Variants in BAIAP2L1 observed in about 807,000 individuals in gnomAD.
BAIAP2L1 encodes the protein BAR/IMD domain containing adaptor protein 2 like 1, also known as BAR/IMD domain-containing adapter protein 2-like 1.
A neutral mutation model predicts 66.3 loss-of-function variants in BAIAP2L1; 35 were observed. The observed-to-expected ratio is 0.53, with a 90% confidence interval of 0.40 to 0.70. The LOEUF (loss-of-function observed/expected upper bound fraction) is 0.70. Ranked by LOEUF, BAIAP2L1 falls within the 30% of genes least tolerant of loss-of-function variation. The pLI is 0.00. For missense variants in BAIAP2L1, 622 were observed against 656.9 expected (o/e 0.95, Z 0.58); for synonymous variants, 269 against 248.7 (o/e 1.08, Z -0.77).
chr7:98,355,067 A>C lies in BAIAP2L1; in HGVS notation c.189T>G (p.Thr63=). The change falls in exon 3 of 14, where the codon ACT becomes ACG. Residue 63 remains threonine, a synonymous_variant. Coordinates refer to ENST00000005260, the MANE Select transcript of BAIAP2L1 (RefSeq NM_018842.5). ...DGVAKIGEIA[T]GSPVSTELGH... Reference sequence around the variant, plus strand: ...CCAGTTCAGTTGACACGGGGGACCCAGTGGCAATCTCACCGATCTTGGCCA... The same window carrying C: ...CCAGTTCAGTTGACACGGGGGACCCCGTGGCAATCTCACCGATCTTGGCCA... The C allele has an allele frequency of 6.2e-7, 1 of 1,613,932 alleles. No individual in the cohort carries two copies. The highest frequency in any genetic ancestry group is 8.5e-7 in the Non-Finnish European group (1 of 1,179,792).
At chr7:98,393,178 C>T (rs13309978) in intron 1 of BAIAP2L1, among the ~76,000 whole-genome samples, 3 of 78,244 alleles carry the variant, frequency 3.8e-5, no homozygotes, top group African/African-American at 1.5e-4. Flanking sequence ...TATATATATA[C>T]ATATATGTGT....
chr7:98,341,691 A>G (rs1199990137), intron 3 of BAIAP2L1, among the ~76,000 whole-genome samples: 5 of 152,090 alleles, frequency 3.3e-5, no homozygotes, highest in Admixed American at 6.6e-5. Context: ...CTCATCTATA[A>G]AACGGAAATA....
intron 2 of BAIAP2L1, among the ~76,000 whole-genome samples, chr7:98,359,385 GC>G (rs1802213232): frequency 6.6e-6 from 1 of 150,614 alleles, no homozygotes; most frequent in African/African-American, 2.4e-5. Flanking sequence ...TGATTCTCCT[GC>G]CTCAGCCTCC....
In BAIAP2L1 at chr7:98,401,047, C is replaced by T; in HGVS notation, c.-195G>A. The T allele has an allele frequency of 2.3e-6, 1 of 436,596 alleles. No homozygotes were observed. The highest frequency in any genetic ancestry group is 3.8e-6 in the Non-Finnish European group (1 of 261,312). 27.0% of individuals were successfully genotyped at this position (436,596 alleles called of 1,614,324 possible). ...AAAACTTGCGGCAGCGCCGCCCTGGCCTTCTTCGAGGAGCAGAGGAGAAGC... is the reference window on the plus strand; with the variant it reads ...AAAACTTGCGGCAGCGCCGCCCTGGTCTTCTTCGAGGAGCAGAGGAGAAGC... On this transcript the variant is annotated 5_prime_UTR_variant, in exon 1 of 14. Coordinates refer to ENST00000005260, the MANE Select transcript of BAIAP2L1 (RefSeq NM_018842.5).
intron 1 of BAIAP2L1, among the ~76,000 whole-genome samples, chr7:98,371,640 G>C (rs1337237493): frequency 6.6e-6 from 1 of 152,064 alleles, no homozygotes; most frequent in Admixed American, 6.6e-5. Flanking sequence ...CTTAGCATAT[G>C]GACTTTTTAT....
In BAIAP2L1 at chr7:98,361,042, C is replaced by T. The variant is rs190989126; in HGVS notation, c.127+1315G>A. ...CACAGGTTTATTTTCAAAATATCAA[C>T]AGGGAGCAACCAGTATGGCAAAAAA... On this transcript the variant is annotated intron_variant, in intron 2 of 13. Transcript: ENST00000005260. Among the ~76,000 whole-genome samples the T allele has an allele frequency of 4.6e-5, 7 of 152,180 alleles. No homozygotes were observed. The East Asian group carries it at 1.4e-3, about 29-fold the overall frequency.
chr7:98,390,016 C>T (rs1355688718), intron 1 of BAIAP2L1, among the ~76,000 whole-genome samples: 2 of 123,542 alleles, frequency 1.6e-5, no homozygotes, highest in Admixed American at 8.3e-5. Flanking sequence ...CCCGGGTTCA[C>T]ACCATTCTCC....
chr7:98,365,206 G>A (rs1033026861), intron 1 of BAIAP2L1, among the ~76,000 whole-genome samples: 1 of 151,742 alleles, frequency 6.6e-6, no homozygotes, highest in African/African-American at 2.4e-5. Flanking sequence ...GACACTCAGT[G>A]GGACCCCTAG....
intron 1 of BAIAP2L1, chr7:98,386,700 T>TTTTG (rs1232400905): frequency 1.9e-5 from 14 of 729,486 alleles, no homozygotes; most frequent in Non-Finnish European, 2.7e-5. Flanking sequence ...AAGGTTTTTT[T>TTTTG]TTTTTTTTTT....
intron 2 of BAIAP2L1, among the ~76,000 whole-genome samples, chr7:98,357,194 G>A (rs1026960184): frequency 1.3e-5 from 2 of 148,748 alleles, no homozygotes; most frequent in Non-Finnish European, 1.5e-5. Flanking sequence ...TTCATGTGCA[G>A]GTCCAGCTGA....
chr7:98,303,688 C>A (rs1225995008), intron 12 of BAIAP2L1, among the ~76,000 whole-genome samples: 1 of 152,134 alleles, frequency 6.6e-6, no homozygotes, highest in Non-Finnish European at 1.5e-5. Flanking sequence ...ATGCTGGGCC[C>A]CCAGAGGCAC....
chr7:98,329,443 G>A (rs774571734), intron 3 of BAIAP2L1, among the ~76,000 whole-genome samples: 11 of 152,086 alleles, frequency 7.2e-5, no homozygotes, highest in Non-Finnish European at 1.3e-4. Flanking sequence ...CTTTGCGGGC[G>A]GTCCCCACAC....
At chr7:98,390,961 G>A (rs904767508) in intron 1 of BAIAP2L1, among the ~76,000 whole-genome samples, 46 of 151,492 alleles carry the variant, frequency 3.0e-4, no homozygotes, top group African/African-American at 1.0e-3. Flanking sequence ...AGCCTCTGGA[G>A]TAGCTGGGAC....
chr7:98,399,830 A>G (rs763369796), intron 1 of BAIAP2L1, among the ~76,000 whole-genome samples: 17 of 152,220 alleles, frequency 1.1e-4, no homozygotes, highest in Admixed American at 6.5e-5. Flanking sequence ...CCTTAAGGTT[A>G]GGTCAATTTC....
At chr7:98,351,743 C>G (rs1188518394) in intron 3 of BAIAP2L1, among the ~76,000 whole-genome samples, 1 of 152,180 alleles carries the variant, frequency 6.6e-6, no homozygotes, top group Non-Finnish European at 1.5e-5. Context: ...GCTTAACTCA[C>G]TGTTCATTGG....
intron 3 of BAIAP2L1, among the ~76,000 whole-genome samples, chr7:98,335,949 C>T (rs922786482): frequency 6.6e-6 from 1 of 152,204 alleles, no homozygotes; most frequent in Non-Finnish European, 1.5e-5. Flanking sequence ...GAATGATAGA[C>T]AGGGGGTCTA....
chr7:98,319,683 A>G (rs1184431550), intron 5 of BAIAP2L1, among the ~76,000 whole-genome samples: 1 of 151,474 alleles, frequency 6.6e-6, no homozygotes, highest in Non-Finnish European at 1.5e-5. Context: ...AGTAGCTGGG[A>G]TGACAGGCAT....
At position 98,321,967 on chromosome 7, in the gene BAIAP2L1, G is replaced by A. The variant is rs556708538; in HGVS notation, c.215-1669C>T. Among the ~76,000 whole-genome samples, 35 of 152,194 alleles carry A rather than the reference G, an allele frequency of 2.3e-4. No homozygotes were observed. The South Asian group carries it at 6.8e-3, about 30-fold the overall frequency. On this transcript the variant is annotated intron_variant, in intron 3 of 13. Transcript: ENST00000005260. The stretch of plus-strand genomic sequence containing the variant: ...AAAAATTAGCTGGGCATGATGGCAC[G>A]TGCCTGTAATCCCAGCTACTTGGGA...
At chr7:98,350,155 G>C (rs915619591) in intron 3 of BAIAP2L1, among the ~76,000 whole-genome samples, 21 of 152,048 alleles carry the variant, frequency 1.4e-4, no homozygotes, top group African/African-American at 4.8e-4. Context: ...AACAAGGCTA[G>C]AAAGAAAGAC....
Sources: gnomAD v4.1 joint callset for allele counts (sites outside exome capture counted in the v4.1 genomes callset) on GRCh38, gnomAD v4.1.1 for gene constraint, MANE v1.5 for transcripts, NCBI Gene and HGNC (gene_info 2026-07-23, HGNC 2026-07-21) for gene names.